TNKS: variants seen among roughly 807,000 people sequenced by gnomAD.
TNKS encodes tankyrase, also known as poly [ADP-ribose] polymerase tankyrase-1.
Under a neutral mutation model 135.8 loss-of-function variants are expected in TNKS, and 72 were observed. The observed-to-expected ratio is 0.53, with a 90% CI of 0.44 to 0.64. The LOEUF (loss-of-function observed/expected upper bound fraction) is 0.64, where lower values mean the gene tolerates loss of function less well. Ranked by LOEUF, TNKS falls within the 30% of genes least tolerant of loss-of-function variation. The pLI is 0.00. For synonymous variants in TNKS, 849 were observed against 649.3 expected (o/e 1.31, Z -4.68); for missense variants, 1,769 against 1,674.0 (o/e 1.06, Z -0.99).
At chr8:9,566,100 T>C (rs771265552) in intron 1 of TNKS, among the ~76,000 whole-genome samples, 10 of 152,166 alleles carry the variant, frequency 6.6e-5, no homozygotes, top group Non-Finnish European at 1.5e-4. Flanking sequence ...GTTAATAAGA[T>C]GTGCAGGTCT....
chr8:9,651,324 C>G (rs549833956), intron 3 of TNKS, among the ~76,000 whole-genome samples: 1 of 152,074 alleles, frequency 6.6e-6, no homozygotes, highest in East Asian at 1.9e-4. Flanking sequence ...ATAACTTTTA[C>G]TTTAATATAA....
intron 3 of TNKS, among the ~76,000 whole-genome samples, chr8:9,669,311 G>A (rs961345333): frequency 3.3e-5 from 5 of 151,416 alleles, no homozygotes; most frequent in South Asian, 2.1e-4. Flanking sequence ...CCAGCTACTC[G>A]GGAGGCTGAG....
In TNKS at chr8:9,733,351, G is replaced by A. The variant is rs375885858; in HGVS notation, c.2220G>A (p.Gly740=). The stretch of plus-strand genomic sequence containing the variant: ...TGGCTGAGCTTTTAGTAAGGCATGG[G>A]GCTTCTGTCAATGTGGCGGACTTAT... ...YEVAELLVRH[G]ASVNVADLWK... is the part of the protein sequence containing the mutation. The change falls in exon 15 of 27, where the codon GGG becomes GGA. Residue 740 remains glycine (G), a synonymous_variant. Transcript: ENST00000310430. 2 of 1,612,258 alleles carry A rather than the reference G, an allele frequency of 1.2e-6. No individual in the cohort carries two copies. Among genetic ancestry groups the A allele is most frequent in the African/African-American group, 1.3e-5 (1 of 74,782 alleles).
intron 2 of TNKS, among the ~76,000 whole-genome samples, chr8:9,586,851 C>G (rs2129054772): frequency 6.6e-6 from 1 of 151,710 alleles, no homozygotes; most frequent in South Asian, 2.1e-4. Context: ...AGACTGAAGA[C>G]TTTGCTCCTC....
rs1469218921 is a variant in TNKS, at chr8:9,730,923, G to C, written c.2035G>C (p.Asp679His). The C allele has an allele frequency of 6.2e-7, 1 of 1,614,004 alleles. No homozygotes were observed. The highest frequency in any genetic ancestry group is 8.5e-7 in the Non-Finnish European group (1 of 1,179,946). The change falls in exon 14 of 27, where the codon GAC becomes CAC. Residue 679 changes from aspartate to histidine, a missense_variant. Physicochemically the swap from Asp to His is moderately conservative, Grantham distance 81 (BLOSUM62 -1). Coordinates refer to ENST00000310430, the MANE Select transcript of TNKS (RefSeq NM_003747.3). Reference protein sequence around the residue: ...LCSSQNVNCRDLEGRHSTPLH... With the variant: ...LCSSQNVNCRHLEGRHSTPLH... ...CAGCTCTCAAAATGTGAATTGTAGA[G>C]ACTTAGAGGGCCGGCATTCCACGCC...
At chr8:9,570,620 C>T (rs772209919) in intron 1 of TNKS, among the ~76,000 whole-genome samples, 1 of 152,362 alleles carries the variant, frequency 6.6e-6, no homozygotes, top group South Asian at 2.1e-4. Flanking sequence ...CAAAGGGCCT[C>T]AATCCTCTAT....
intron 3 of TNKS, among the ~76,000 whole-genome samples, chr8:9,666,844 A>C (rs747647496): frequency 6.6e-6 from 1 of 152,182 alleles, no homozygotes. Flanking sequence ...GTGGAGGTTC[A>C]TAATAATTGG....
chr8:9,613,473 C>G (rs1799534756), intron 2 of TNKS, among the ~76,000 whole-genome samples: 1 of 152,166 alleles, frequency 6.6e-6, no homozygotes, highest in Non-Finnish European at 1.5e-5. Context: ...AAAGTCTTAA[C>G]TTTACTGAGT....
At chr8:9,581,953 C>T (rs1275927561) in intron 2 of TNKS, among the ~76,000 whole-genome samples, 1 of 152,144 alleles carries the variant, frequency 6.6e-6, no homozygotes, top group Non-Finnish European at 1.5e-5. Context: ...TCTACTTCCT[C>T]AGTTCACAGT....
At chr8:9,745,777 G>A (rs1006011071) in intron 17 of TNKS, among the ~76,000 whole-genome samples, 7 of 152,008 alleles carry the variant, frequency 4.6e-5, no homozygotes, top group Non-Finnish European at 8.8e-5. Flanking sequence ...TTAGTAGTTG[G>A]CTGATCTGTA....
chr8:9,691,649 A>G (rs1049599203), intron 5 of TNKS, among the ~76,000 whole-genome samples: 1 of 152,186 alleles, frequency 6.6e-6, no homozygotes, highest in African/African-American at 2.4e-5. Context: ...TGTGGAAGTA[A>G]TAGTGTTTCT....
intron 13 of TNKS, among the ~76,000 whole-genome samples, chr8:9,726,926 G>A (rs1430583073): frequency 6.6e-6 from 1 of 152,102 alleles, no homozygotes; most frequent in Non-Finnish European, 1.5e-5. Context: ...GTGTGTGTAT[G>A]TATATAGGTA....
intron 3 of TNKS, among the ~76,000 whole-genome samples, chr8:9,661,381 C>G (rs1389384628): frequency 6.6e-6 from 1 of 152,174 alleles, no homozygotes; most frequent in Non-Finnish European, 1.5e-5. Context: ...GGTACCAAAA[C>G]AGAGATAGAG....
chr8:9,751,880 A>T (rs763247351), intron 19 of TNKS, 34 bp downstream of exon 19: 1 of 1,593,974 alleles, frequency 6.3e-7, no homozygotes, highest in South Asian at 1.1e-5. Flanking sequence ...ATTTATTTAT[A>T]CCTTTTGTTA....
At chr8:9,628,443 A>T (rs994956509) in intron 3 of TNKS, among the ~76,000 whole-genome samples, 7 of 151,946 alleles carry the variant, frequency 4.6e-5, no homozygotes, top group African/African-American at 1.7e-4. Flanking sequence ...TCTCAGCAGC[A>T]TTCAACAAAA....
At chr8:9,735,904 T>C (rs1256548270) in intron 17 of TNKS, among the ~76,000 whole-genome samples, 1 of 152,060 alleles carries the variant, frequency 6.6e-6, no homozygotes, top group African/African-American at 2.4e-5. Flanking sequence ...ATCTAACTAA[T>C]AGCATGATTT....
intron 3 of TNKS, among the ~76,000 whole-genome samples, chr8:9,621,261 G>T (rs138318649): frequency 1.7e-3 from 265 of 151,726 alleles, no homozygotes; most frequent in African/African-American, 5.8e-3. Flanking sequence ...GCTGCCTGCA[G>T]CTGTCACATC....
At chr8:9,599,282 C>T (rs1038774198) in intron 2 of TNKS, among the ~76,000 whole-genome samples, 1 of 152,128 alleles carries the variant, frequency 6.6e-6, no homozygotes, top group Non-Finnish European at 1.5e-5. Context: ...TTTTGAAAGA[C>T]AGATGAAAAG....
chr8:9,575,825 C>G (rs946046473), intron 1 of TNKS, among the ~76,000 whole-genome samples: 1 of 152,230 alleles, frequency 6.6e-6, no homozygotes, highest in South Asian at 2.1e-4. Flanking sequence ...TATTTTAAAA[C>G]TTCAACTGAC....
Sources: allele counts gnomAD v4.1 joint callset (sites outside exome capture counted in the v4.1 genomes callset), GRCh38; gene constraint gnomAD v4.1.1; transcripts MANE v1.5; gene names NCBI Gene and HGNC (gene_info 2026-07-23, HGNC 2026-07-21).